The following MINPP1 variants were observed in gnomAD, a reference collection of about 807,000 sequenced individuals.
MINPP1 encodes multiple inositol polyphosphate phosphatase 1.
MINPP1 carries 28 observed loss-of-function variants against 46.1 expected under a neutral mutation model. The ratio of observed to expected loss-of-function variants is 0.61; its 90% CI spans 0.45 to 0.83. The LOEUF is 0.83. Among genes scored for constraint, MINPP1 ranks in the 40% least tolerant of loss-of-function variants. MINPP1 has a pLI of 0.00. For synonymous variants in MINPP1, 268 were observed against 249.1 expected (o/e 1.08, Z -0.72); for missense variants, 603 against 610.0 (o/e 0.99, Z 0.12).
intron 4 of MINPP1, among the ~76,000 whole-genome samples, chr10:87,540,438 T>C (rs1851797151): frequency 6.6e-6 from 1 of 151,644 alleles, no homozygotes. Flanking sequence ...TTCTCTCTCT[T>C]TCTCCTCTCT....
At chr10:87,519,680 G>A (rs773656433) in intron 3 of MINPP1, among the ~76,000 whole-genome samples, 2 of 152,046 alleles carry the variant, frequency 1.3e-5, no homozygotes, top group Non-Finnish European at 2.9e-5. Context: ...TTTATATATG[G>A]CACTGACCCA....
chr10:87,523,044 A>G (rs944295566), intron 4 of MINPP1, among the ~76,000 whole-genome samples: 7 of 152,186 alleles, frequency 4.6e-5, no homozygotes, highest in Admixed American at 4.6e-4. Flanking sequence ...TGATCATGAT[A>G]TTGCAGTAAT....
At chr10:87,514,019 T>C (rs1262132410) in intron 3 of MINPP1, among the ~76,000 whole-genome samples, 1 of 152,172 alleles carries the variant, frequency 6.6e-6, no homozygotes, top group Non-Finnish European at 1.5e-5. Flanking sequence ...CCTTCCTGCC[T>C]GCCTCTCGTA....
At chr10:87,539,331 T>G (rs747205077) in intron 4 of MINPP1, among the ~76,000 whole-genome samples, 6 of 152,218 alleles carry the variant, frequency 3.9e-5, no homozygotes, top group Non-Finnish European at 8.8e-5. Context: ...TTTAATGCAT[T>G]TTTATCAAGG....
At chr10:87,549,905 T>C (rs1564684865) in intron 4 of MINPP1, among the ~76,000 whole-genome samples, 1 of 152,240 alleles carries the variant, frequency 6.6e-6, no homozygotes, top group African/African-American at 2.4e-5. Flanking sequence ...ACTTGTATCC[T>C]TATTAAATTT....
At chr10:87,524,952 CTAAAA>C (rs1851554291) in intron 4 of MINPP1, among the ~76,000 whole-genome samples, 1 of 59,362 alleles carries the variant, frequency 1.7e-5, no homozygotes, top group Admixed American at 1.5e-4. Context: ...TTGTGTATTA[CTAAAA>C]TGTGATACAT....
rs188622761 is a variant in MINPP1, at chr10:87,527,111, C to G, written c.1067+5942C>G. 3.7e-4 allele frequency among the ~76,000 whole-genome samples: 56 copies of G among 152,340 alleles called. 1 individual carries two copies. The highest frequency in any genetic ancestry group is 3.3e-3 in the Admixed American group (51 of 15,310). ...GTCATTGGTAGCTTAATGAGGATGG[C>G]ATTGAATCTATACATTACCTTGGGC... On this transcript the variant is annotated intron_variant, in intron 4 of 4. Coordinates refer to ENST00000371996, the MANE Select transcript of MINPP1 (RefSeq NM_004897.5).
rs1469470828 is a variant in MINPP1, at chr10:87,552,665, G to C, written c.*187G>C. On this transcript the variant is annotated 3_prime_UTR_variant, in exon 5 of 5. Coordinates refer to ENST00000371996, the MANE Select transcript of MINPP1 (RefSeq NM_004897.5). ...ATGTAAGAAAAGATTTTTCACTGGA[G>C]CAGCTCTCTTAAGGAGAAACAAATC... is the stretch of plus-strand genomic sequence containing the variant. 2.0e-5 allele frequency: 12 copies of C among 610,222 alleles called. No homozygotes were observed. Among genetic ancestry groups the C allele is most frequent in the Non-Finnish European group, 3.4e-5 (12 of 352,744 alleles). The allele number at this position is 610,222 out of a possible 1,614,324, so 37.8% of individuals were successfully genotyped here.
At chr10:87,513,471 A>T (rs189012479) in intron 3 of MINPP1, among the ~76,000 whole-genome samples, 4 of 152,320 alleles carry the variant, frequency 2.6e-5, no homozygotes, top group African/African-American at 9.6e-5. Context: ...TGATTTCTAA[A>T]TCATCCCATT....
chr10:87,524,744 G>A (rs1851550102), intron 4 of MINPP1, among the ~76,000 whole-genome samples: 1 of 152,108 alleles, frequency 6.6e-6, no homozygotes, highest in African/African-American at 2.4e-5. Flanking sequence ...GACTGGAGGA[G>A]AGGAAAGAGG....
intron 4 of MINPP1, among the ~76,000 whole-genome samples, chr10:87,549,251 G>A (rs1389571117): frequency 6.6e-6 from 1 of 152,158 alleles, no homozygotes; most frequent in Admixed American, 6.5e-5. Context: ...CATTTCTTCT[G>A]TAGCTTGAAT....
chr10:87,533,197 A>G (rs1589380536), intron 4 of MINPP1, among the ~76,000 whole-genome samples: 1 of 152,128 alleles, frequency 6.6e-6, no homozygotes, highest in South Asian at 2.1e-4. Flanking sequence ...TAAATCAGGG[A>G]CATTCTTCAG....
intron 4 of MINPP1, among the ~76,000 whole-genome samples, chr10:87,522,213 C>T (rs758361053): frequency 1.3e-5 from 2 of 151,638 alleles, no homozygotes; most frequent in South Asian, 2.1e-4. Context: ...TTAAAGAAGA[C>T]TCCATTTTTC....
intron 2 of MINPP1, among the ~76,000 whole-genome samples, chr10:87,511,326 C>T (rs991936247): frequency 6.6e-6 from 1 of 152,142 alleles, no homozygotes. Flanking sequence ...ATATCTGTCT[C>T]TTCATTATGG....
intron 4 of MINPP1, among the ~76,000 whole-genome samples, chr10:87,527,857 G>A (rs1851599944): frequency 6.6e-6 from 1 of 152,082 alleles, no homozygotes; most frequent in Non-Finnish European, 1.5e-5. Context: ...TTGGTTGGTA[G>A]GCTATTAATT....
At chr10:87,538,449 A>G (rs529589652) in intron 4 of MINPP1, among the ~76,000 whole-genome samples, 1 of 152,214 alleles carries the variant, frequency 6.6e-6, no homozygotes, top group Non-Finnish European at 1.5e-5. Flanking sequence ...GAAACTTTGT[A>G]TGTTTTGTTC....
intron 4 of MINPP1, among the ~76,000 whole-genome samples, chr10:87,547,704 A>C (rs1851907566): frequency 6.6e-6 from 1 of 152,190 alleles, no homozygotes; most frequent in African/African-American, 2.4e-5. Flanking sequence ...TTAGGTACTA[A>C]TATTTTAGGA....
intron 4 of MINPP1, among the ~76,000 whole-genome samples, chr10:87,528,790 T>A (rs1395119718): frequency 1.3e-5 from 2 of 152,326 alleles, no homozygotes; most frequent in Middle Eastern, 3.4e-3. Flanking sequence ...CGTTGATCTG[T>A]CTGATGTTGA....
intron 1 of MINPP1, among the ~76,000 whole-genome samples, chr10:87,506,011 T>C (rs1030173813): frequency 2.7e-5 from 4 of 150,252 alleles, no homozygotes; most frequent in South Asian, 2.1e-4. Context: ...TACTAGTTTT[T>C]CCTTCTTTCT....
Sources: gnomAD v4.1 joint callset for allele counts (sites outside exome capture counted in the v4.1 genomes callset) on GRCh38, gnomAD v4.1.1 for gene constraint, MANE v1.5 for transcripts, NCBI Gene and HGNC (gene_info 2026-07-23, HGNC 2026-07-21) for gene names.